Variants in PRKACB observed in about 807,000 individuals in gnomAD.
PRKACB encodes the protein cAMP-dependent protein kinase catalytic subunit beta.
PRKACB carries 16 observed loss-of-function variants against 51.4 expected under a neutral mutation model. The ratio of observed to expected loss-of-function variants is 0.31; its 90% confidence interval spans 0.21 to 0.47. The LOEUF (loss-of-function observed/expected upper bound fraction) is 0.47, where lower values mean the gene tolerates loss of function less well. PRKACB is among the 20% of genes least tolerant of loss of function. The pLI is 1.00. For missense variants in PRKACB, 309 were observed against 464.5 expected (o/e 0.67, Z 3.08); for synonymous variants, 147 against 154.4 (o/e 0.95, Z 0.35).
intron 1 of PRKACB, among the ~76,000 whole-genome samples, chr1:84,108,667 C>T (rs967892820): frequency 6.6e-6 from 1 of 151,902 alleles, no homozygotes; most frequent in Admixed American, 6.6e-5. Flanking sequence ...AACTGATGCC[C>T]ATAGTTGTTA....
intron 8 of PRKACB, chr1:84,204,425 C>A: frequency 2.3e-6 from 3 of 1,331,498 alleles, no homozygotes; most frequent in South Asian, 1.2e-5. Flanking sequence ...GTTCTTCTTA[C>A]ATTTGTAGAT....
At chr1:84,198,611 A>G (rs1668866015) in intron 7 of PRKACB, among the ~76,000 whole-genome samples, 1 of 152,078 alleles carries the variant, frequency 6.6e-6, no homozygotes. Flanking sequence ...TAATCTAAAT[A>G]TCATTGTAGT....
At chr1:84,225,536 G>A (rs1239219244) in intron 9 of PRKACB, among the ~76,000 whole-genome samples, 10 of 152,106 alleles carry the variant, frequency 6.6e-5, no homozygotes, top group Non-Finnish European at 1.0e-4. Flanking sequence ...CTGTCAGTTG[G>A]GCTCCAGGTG....
intron 9 of PRKACB, among the ~76,000 whole-genome samples, chr1:84,227,929 C>A (rs1390191752): frequency 6.6e-6 from 1 of 152,064 alleles, no homozygotes; most frequent in Non-Finnish European, 1.5e-5. Context: ...AAAAAAAAGG[C>A]AGAAGAAAGA....
At chr1:84,194,728 C>G (rs1264289571) in intron 5 of PRKACB, among the ~76,000 whole-genome samples, 1 of 151,992 alleles carries the variant, frequency 6.6e-6, no homozygotes, top group Non-Finnish European at 1.5e-5. Flanking sequence ...GAATTCAAAA[C>G]CAGCCTGGGC....
intron 9 of PRKACB, among the ~76,000 whole-genome samples, chr1:84,227,322 A>G (rs1435993896): frequency 1.3e-5 from 2 of 152,078 alleles, no homozygotes; most frequent in Non-Finnish European, 2.9e-5. Context: ...TTTCCAATAA[A>G]ATCATCCATT....
intron 2 of PRKACB, among the ~76,000 whole-genome samples, 169 bp downstream of exon 2, chr1:84,179,407 A>G (rs910653787): frequency 2.0e-5 from 3 of 151,936 alleles, no homozygotes; most frequent in Non-Finnish European, 2.9e-5. Context: ...ATTAATTAAT[A>G]ATCTTAATGT....
intron 1 of PRKACB, among the ~76,000 whole-genome samples, chr1:84,152,700 TG>T (rs2100649986): frequency 6.6e-6 from 1 of 152,296 alleles, no homozygotes; most frequent in South Asian, 2.1e-4. Flanking sequence ...TTTATAGAAT[TG>T]AAGAGTGTCA....
At chr1:84,086,073 C>A (rs1332218323) in intron 1 of PRKACB, 48 of 1,219,498 alleles carry the variant, frequency 3.9e-5, no homozygotes, top group Non-Finnish European at 3.4e-5. Flanking sequence ...GTGCTGATGG[C>A]CAAGGTGTAT....
chr1:84,196,168 A>G (rs1384925139), intron 5 of PRKACB, among the ~76,000 whole-genome samples: 1 of 152,228 alleles, frequency 6.6e-6, no homozygotes, highest in Non-Finnish European at 1.5e-5. Flanking sequence ...CTGCAGATAA[A>G]TGCAGCTAAA....
At chr1:84,188,591 T>G (rs1665870438) in intron 5 of PRKACB, among the ~76,000 whole-genome samples, 1 of 151,922 alleles carries the variant, frequency 6.6e-6, no homozygotes, top group African/African-American at 2.4e-5. Flanking sequence ...ATAACGTTAA[T>G]TTCTCTGAAT....
chr1:84,101,681 G>A (rs765229869), intron 1 of PRKACB, among the ~76,000 whole-genome samples: 4 of 152,084 alleles, frequency 2.6e-5, no homozygotes, highest in Admixed American at 1.3e-4. Context: ...GAAATCAAAG[G>A]CAAGAAGATG....
intron 5 of PRKACB, among the ~76,000 whole-genome samples, chr1:84,195,450 T>C (rs1667945353): frequency 6.6e-6 from 1 of 152,182 alleles, no homozygotes; most frequent in African/African-American, 2.4e-5. Context: ...ATAGTTAAGG[T>C]TGTTCACTGA....
intron 5 of PRKACB, among the ~76,000 whole-genome samples, chr1:84,193,193 A>T (rs151011068): frequency 6.6e-5 from 10 of 152,166 alleles, no homozygotes; most frequent in Admixed American, 6.5e-4. Context: ...TCCCAAATAA[A>T]ACAGAACTCA....
intron 5 of PRKACB, among the ~76,000 whole-genome samples, chr1:84,194,583 C>G (rs1039508916): frequency 6.6e-6 from 1 of 152,096 alleles, no homozygotes; most frequent in Non-Finnish European, 1.5e-5. Context: ...GTAGAAATAC[C>G]CAATAACACT....
chr1:84,156,023 A>C lies in PRKACB; in HGVS notation c.187+11475A>C, dbSNP rs143000582. Among the ~76,000 whole-genome samples, 343 of 152,118 alleles carry C rather than the reference A, an allele frequency of 2.3e-3. 1 individual carries two copies. Among genetic ancestry groups the C allele is most frequent in the African/African-American group, 8.0e-3 (331 of 41,522 alleles). On this transcript the variant is annotated intron_variant, in intron 1 of 9. Coordinates refer to ENST00000370685, the MANE Select transcript of PRKACB (RefSeq NM_182948.4). ...TATTTTTTGGAGACAGGGTCTTGCTATGTTGCCCAGGCTGGAGAGTAGTGG... is the reference window on the plus strand; with the variant it reads ...TATTTTTTGGAGACAGGGTCTTGCTCTGTTGCCCAGGCTGGAGAGTAGTGG...
intron 1 of PRKACB, chr1:84,164,690 C>T: frequency 1.4e-6 from 2 of 1,393,018 alleles, no homozygotes; most frequent in Non-Finnish European, 1.9e-6. Flanking sequence ...AACATTTTCT[C>T]CCTGCCATTT....
chr1:84,090,530 T>C (rs981224119), intron 1 of PRKACB, among the ~76,000 whole-genome samples: 1 of 152,202 alleles, frequency 6.6e-6, no homozygotes, highest in Non-Finnish European at 1.5e-5. Flanking sequence ...CTATGGTTTA[T>C]GGGGACTAGA....
At chr1:84,130,189 CAAAAAAAAAA>C (rs71097833) in intron 1 of PRKACB, among the ~76,000 whole-genome samples, 2 of 56,184 alleles carry the variant, frequency 3.6e-5, no homozygotes, top group African/African-American at 1.4e-4. Context: ...GACTCCGTCT[CAAAAAAAAAA>C]AAAAAAAAAA....
Sources: gnomAD v4.1 joint callset for allele counts (sites outside exome capture counted in the v4.1 genomes callset) on GRCh38, gnomAD v4.1.1 for gene constraint, MANE v1.5 for transcripts, NCBI Gene and HGNC (gene_info 2026-07-23, HGNC 2026-07-21) for gene names.